Variants in ALDH1L1 observed in about 807,000 individuals in gnomAD.
ALDH1L1 encodes the protein aldehyde dehydrogenase 1 family member L1, also known as cytosolic 10-formyltetrahydrofolate dehydrogenase.
ALDH1L1 carries 68 observed loss-of-function variants against 101.1 expected under a neutral mutation model. The observed-to-expected ratio is 0.67, with a 90% CI of 0.55 to 0.82. ALDH1L1 has a LOEUF of 0.82. Among genes scored for constraint, ALDH1L1 ranks in the 40% least tolerant of loss-of-function variants. The pLI, the probability that ALDH1L1 is intolerant of heterozygous loss-of-function variation, is 0.00. For synonymous variants in ALDH1L1, 486 were observed against 470.8 expected (o/e 1.03, Z -0.42); for missense variants, 1,087 against 1,172.7 (o/e 0.93, Z 1.07).
chr3:126,107,392 ACCACGCTGCAGATGGCTCTC>A, intron 20 of ALDH1L1, 146 bp from the exon 21 acceptor site: 1 of 651,924 alleles, frequency 1.5e-6, no homozygotes, highest in East Asian at 2.7e-5. Flanking sequence ...GATGGGTGTC[ACCACGCTGCAGATGGCTCTC>A]CCACCTGGCT....
intron 16 of ALDH1L1, among the ~76,000 whole-genome samples, chr3:126,124,142 C>T (rs1053747639): frequency 3.1e-5 from 4 of 128,282 alleles, no homozygotes; most frequent in African/African-American, 9.0e-5. Flanking sequence ...CACACACACA[C>T]ACACACTGGA....
intron 1 of ALDH1L1, among the ~76,000 whole-genome samples, chr3:126,163,223 A>G (rs2081097070): frequency 1.3e-5 from 2 of 152,068 alleles, no homozygotes; most frequent in African/African-American, 4.8e-5. Context: ...TCGAGTTTTG[A>G]CCCATTTTAA....
intron 19 of ALDH1L1, among the ~76,000 whole-genome samples, chr3:126,112,574 A>G (rs966848707): frequency 1.3e-5 from 2 of 152,132 alleles, no homozygotes; most frequent in Non-Finnish European, 2.9e-5. Context: ...GTTTTGCTAC[A>G]GGTCTGCTAT....
At chr3:126,182,558 T>C (rs899571936), upstream of ALDH1L1, among the ~76,000 whole-genome samples, 4 of 152,212 alleles carry the variant, frequency 2.6e-5, no homozygotes, top group African/African-American at 9.6e-5. Flanking sequence ...CAGGGCTGAA[T>C]GCATGCCCTG....
Position 126,136,977 on chromosome 3 carries a change from G to A in ALDH1L1, c.1225-94C>T, listed in dbSNP as rs1000966519. The stretch of plus-strand genomic sequence containing the variant: ...ACAGTCACACACACACACTGCCCAG[G>A]GGCCTCCTGGGGCTTCAGAGCTGCA... On this transcript the variant is annotated intron_variant, in intron 10 of 22. Transcript: ENST00000393434. 1.3e-5 allele frequency: 19 copies of A among 1,512,404 alleles called. No individual in the cohort carries two copies. In the African/African-American group the frequency reaches 2.2e-4, roughly 18 times the overall value. The allele number at this position is 1,512,404 out of a possible 1,614,324, so 93.7% of individuals were successfully genotyped here. A position where few individuals can be genotyped will look rare whatever the true frequency, so the allele number is the denominator to read the frequency against.
At chr3:126,107,012 T>C in intron 21 of ALDH1L1, 129 bp downstream of exon 21, 2 of 806,562 alleles carry the variant, frequency 2.5e-6, no homozygotes, top group Non-Finnish European at 4.1e-6. Flanking sequence ...AAGCGGGGTG[T>C]CCACGGCTTG....
chr3:126,136,324 G>A (rs1294712745), intron 11 of ALDH1L1, among the ~76,000 whole-genome samples: 1 of 152,168 alleles, frequency 6.6e-6, no homozygotes, highest in Non-Finnish European at 1.5e-5. Flanking sequence ...TACCATAGGC[G>A]TGCTTTGGCT....
chr3:126,178,475 G>A (rs2081407305), intron 1 of ALDH1L1, among the ~76,000 whole-genome samples: 1 of 151,548 alleles, frequency 6.6e-6, no homozygotes, highest in South Asian at 2.1e-4. Context: ...GAGAATATGG[G>A]AACTCTGCAC....
chr3:126,189,972 T>C (rs1264798569), intron 1 of ALDH1L1, among the ~76,000 whole-genome samples: 1 of 152,236 alleles, frequency 6.6e-6, no homozygotes, highest in East Asian at 1.9e-4. Flanking sequence ...ATGGGGACAA[T>C]GATAGTGTCA....
chr3:126,118,146 G>T, intron 16 of ALDH1L1, 48 bp from the exon 17 acceptor site: 1 of 1,517,274 alleles, frequency 6.6e-7, no homozygotes. Flanking sequence ...CCTGGTGCTG[G>T]GGAGGCAGGA....
chr3:126,133,472 T>C (rs1200397626), intron 12 of ALDH1L1, among the ~76,000 whole-genome samples: 1 of 152,168 alleles, frequency 6.6e-6, no homozygotes, highest in Non-Finnish European at 1.5e-5. Flanking sequence ...TCAGCCCCAA[T>C]CCTTTGAATC....
intron 1 of ALDH1L1, among the ~76,000 whole-genome samples, chr3:126,193,139 T>TC (rs1460236948): frequency 6.6e-6 from 1 of 152,210 alleles, no homozygotes; most frequent in Non-Finnish European, 1.5e-5. Context: ...TTACAGTTCA[T>TC]CCACAAGACT....
In ALDH1L1 at chr3:126,130,019, C is replaced by T. The variant is rs191590249; in HGVS notation, c.1694+204G>A. On this transcript the variant is annotated intron_variant, in intron 14 of 22. Transcript: ENST00000393434. ...GTTTCCCACCGTGGACCTGACTGAT[C>T]CAGTGTTACTGGGAGATTAAATACA... 635 of 443,090 alleles carry T rather than the reference C, an allele frequency of 1.4e-3. 3 individuals carry two copies. Among genetic ancestry groups the T allele is most frequent in the African/African-American group, 0.012 (578 of 49,392 alleles). The allele number at this position is 443,090 out of a possible 1,614,324, so 27.4% of individuals were successfully genotyped here.
Position 126,186,953 on chromosome 3 carries a change from C to T in ALDH1L1, c.-24+10782G>A, listed in dbSNP as rs58919314. On this transcript the variant is annotated intron_variant, in intron 1 of 2. Transcript: ENST00000509952. ...CCAGCCGCCACCACCTGAAACTGCA[C>T]GGACGCTGGGAGGGCAAAGTCACTG... Among the ~76,000 whole-genome samples, 2,481 of 152,266 alleles carry T rather than the reference C, an allele frequency of 0.016. 118 individuals are homozygous for T. In the East Asian group the frequency reaches 0.19, roughly 12 times the overall value.
upstream of ALDH1L1, among the ~76,000 whole-genome samples, chr3:126,184,292 G>A (rs1316228573): frequency 6.6e-6 from 1 of 152,216 alleles, no homozygotes; most frequent in Non-Finnish European, 1.5e-5. Flanking sequence ...AGCCCTGCCT[G>A]TGCCCCAGGG....
chr3:126,189,862 G>A (rs1232524166), intron 1 of ALDH1L1, among the ~76,000 whole-genome samples: 1 of 152,164 alleles, frequency 6.6e-6, no homozygotes, highest in Non-Finnish European at 1.5e-5. Flanking sequence ...CAAAGCCAAT[G>A]GTAGTGCCTT....
upstream of ALDH1L1, among the ~76,000 whole-genome samples, chr3:126,186,061 G>A (rs575153129): frequency 2.2e-4 from 33 of 152,244 alleles, no homozygotes; most frequent in African/African-American, 7.9e-4. Flanking sequence ...CATGTTTAAT[G>A]GGGACAGAGT....
upstream of ALDH1L1, chr3:126,181,058 C>T: frequency 1.3e-6 from 2 of 1,534,742 alleles, no homozygotes; most frequent in Non-Finnish European, 1.8e-6. Context: ...GCTGCGCATC[C>T]GGGTGGATAG....
intron 6 of ALDH1L1, 147 bp from the exon 7 acceptor site, chr3:126,153,728 T>G (rs1283274260): frequency 2.9e-6 from 3 of 1,046,428 alleles, no homozygotes; most frequent in Non-Finnish European, 4.0e-6. Flanking sequence ...ATGTGACCCC[T>G]GAGGCCCTTT....
Sources: gnomAD v4.1 joint callset for allele counts (sites outside exome capture counted in the v4.1 genomes callset) on GRCh38, gnomAD v4.1.1 for gene constraint, MANE v1.5 for transcripts, NCBI Gene and HGNC (gene_info 2026-07-23, HGNC 2026-07-21) for gene names.